The following GPC5 variants were observed in gnomAD, a reference collection of about 807,000 sequenced individuals.
The protein encoded by GPC5 is glypican 5.
GPC5 carries 47 observed loss-of-function variants against 53.9 expected under a neutral mutation model. The observed-to-expected ratio is 0.87, with a 90% CI of 0.69 to 1.11. The LOEUF is 1.11. GPC5 is among the 50% of genes most tolerant of loss of function. The probability of loss-of-function intolerance (pLI) is 0.00; values close to 1 mark genes in which losing one functional copy is unlikely to be tolerated. For synonymous variants in GPC5, 286 were observed against 263.3 expected (o/e 1.09, Z -0.84); for missense variants, 748 against 713.1 (o/e 1.05, Z -0.56).
At chr13:91,923,761 A>C (rs572499982) in intron 6 of GPC5, among the ~76,000 whole-genome samples, 1 of 152,280 alleles carries the variant, frequency 6.6e-6, no homozygotes, top group South Asian at 2.1e-4. Context: ...ATATCTGGGA[A>C]TATATTATCA....
At chr13:92,100,785 A>C (rs192724158) in intron 6 of GPC5, among the ~76,000 whole-genome samples, 6 of 152,198 alleles carry the variant, frequency 3.9e-5, no homozygotes, top group Non-Finnish European at 5.9e-5. Flanking sequence ...ATTGAAAGTC[A>C]GGTTGTGCTA....
intron 6 of GPC5, among the ~76,000 whole-genome samples, chr13:91,976,491 C>A (rs1055005237): frequency 6.6e-6 from 1 of 151,960 alleles, no homozygotes; most frequent in Non-Finnish European, 1.5e-5. Context: ...TGATGCCCTA[C>A]AATTAGGAGT....
intron 7 of GPC5, among the ~76,000 whole-genome samples, chr13:92,570,538 G>A (rs558560709): frequency 2.0e-5 from 3 of 152,094 alleles, no homozygotes; most frequent in Admixed American, 6.6e-5. Flanking sequence ...ATATTGTTCT[G>A]TAACTCAAAT....
intron 7 of GPC5, among the ~76,000 whole-genome samples, chr13:92,413,539 G>A (rs1025567969): frequency 1.1e-4 from 16 of 152,052 alleles, no homozygotes; most frequent in African/African-American, 2.4e-4. Flanking sequence ...TTCCATTTTC[G>A]TAAACCAAAT....
At chr13:92,286,820 C>A (rs1304324812) in intron 7 of GPC5, among the ~76,000 whole-genome samples, 1 of 151,896 alleles carries the variant, frequency 6.6e-6, no homozygotes, top group Non-Finnish European at 1.5e-5. Flanking sequence ...ACCAACATGG[C>A]ACATGTATAC....
At position 92,277,638 on chromosome 13, in the gene GPC5, G is replaced by GT. The variant is rs1178558347; in HGVS notation, c.1561+132655dup. On this transcript the variant is annotated intron_variant, in intron 7 of 7. Transcript: ENST00000377067. Reference sequence around the variant, plus strand: ...TTAATACTAAGCATTTTTTTACTTTGTTTTTTATCGTTGCTGTTGGCCCCT... The same window carrying GT: ...TTAATACTAAGCATTTTTTTACTTTGTTTTTTTATCGTTGCTGTTGGCCCCT... Among the ~76,000 whole-genome samples the GT allele has an allele frequency of 5.3e-5, 8 of 151,906 alleles. No homozygotes were observed. In the East Asian group the frequency reaches 1.4e-3, roughly 26 times the overall value.
intron 2 of GPC5, among the ~76,000 whole-genome samples, chr13:91,468,533 C>T (rs1219707979): frequency 1.3e-5 from 2 of 152,142 alleles, no homozygotes; most frequent in Non-Finnish European, 2.9e-5. Context: ...GGAATGCCAT[C>T]TTCAAGTCAG....
At chr13:92,736,152 T>C (rs1203339992) in intron 7 of GPC5, among the ~76,000 whole-genome samples, 1 of 152,010 alleles carries the variant, frequency 6.6e-6, no homozygotes, top group Non-Finnish European at 1.5e-5. Flanking sequence ...TATTTTCAGT[T>C]GTTATGTCTT....
chr13:92,835,971 A>G (rs1396597581), intron 7 of GPC5, among the ~76,000 whole-genome samples: 2 of 151,952 alleles, frequency 1.3e-5, no homozygotes, highest in African/African-American at 4.8e-5. Flanking sequence ...GTATTCTGTG[A>G]TATCTGGATA....
At chr13:92,398,428 C>CAAAAAAAAAAAAAA (rs35873316) in intron 7 of GPC5, among the ~76,000 whole-genome samples, 327 of 87,516 alleles carry the variant, frequency 3.7e-3, no homozygotes, top group Admixed American at 0.014. Flanking sequence ...GACTCCGTCT[C>CAAAAAAAAAAAAAA]AAAAAAAAAA....
intron 7 of GPC5, among the ~76,000 whole-genome samples, chr13:92,151,333 G>A (rs929932888): frequency 3.9e-5 from 6 of 151,994 alleles, no homozygotes; most frequent in Non-Finnish European, 7.4e-5. Context: ...TTTCTTACCC[G>A]CCTACAGATG....
At chr13:92,810,352 T>C (rs1407253015) in intron 7 of GPC5, among the ~76,000 whole-genome samples, 1 of 151,902 alleles carries the variant, frequency 6.6e-6, no homozygotes, top group Non-Finnish European at 1.5e-5. Flanking sequence ...AACATAAAAA[T>C]TACTTCACAA....
intron 7 of GPC5, among the ~76,000 whole-genome samples, chr13:92,219,536 T>C (rs1342808917): frequency 6.6e-6 from 1 of 152,124 alleles, no homozygotes; most frequent in Non-Finnish European, 1.5e-5. Context: ...GATCAGAAGC[T>C]ACTCCCTTTT....
intron 2 of GPC5, among the ~76,000 whole-genome samples, chr13:91,569,073 A>G (rs2031666393): frequency 6.6e-6 from 1 of 152,084 alleles, no homozygotes; most frequent in Non-Finnish European, 1.5e-5. Context: ...TTAATGTAAG[A>G]TGTGTCCATG....
chr13:92,350,310 T>G (rs2043465427), intron 7 of GPC5, among the ~76,000 whole-genome samples: 1 of 152,140 alleles, frequency 6.6e-6, no homozygotes, highest in Non-Finnish European at 1.5e-5. Context: ...AAGCTTTCCT[T>G]TAAGATCTGG....
chr13:92,695,724 T>C (rs1445061774), intron 7 of GPC5, among the ~76,000 whole-genome samples: 1 of 151,924 alleles, frequency 6.6e-6, no homozygotes, highest in Non-Finnish European at 1.5e-5. Flanking sequence ...TTAGTTATTA[T>C]AAGTTCTGGG....
chr13:91,822,383 A>G (rs2038509731), intron 5 of GPC5, among the ~76,000 whole-genome samples: 1 of 152,242 alleles, frequency 6.6e-6, no homozygotes, highest in African/African-American at 2.4e-5. Flanking sequence ...AGCTATACAT[A>G]TAGAAAAGAG....
chr13:92,445,294 ATTTTT>A (rs954784630), intron 7 of GPC5, among the ~76,000 whole-genome samples: 1 of 123,066 alleles, frequency 8.1e-6, no homozygotes, highest in Non-Finnish European at 1.8e-5. Context: ...TCTTTTTGTG[ATTTTT>A]TTTGTTTTAT....
intron 7 of GPC5, among the ~76,000 whole-genome samples, chr13:92,486,308 G>T (rs769420116): frequency 3.3e-5 from 5 of 152,048 alleles, no homozygotes; most frequent in Non-Finnish European, 5.9e-5. Flanking sequence ...CTGAGAAATG[G>T]TATTTCTATC....
Sources: allele counts gnomAD v4.1 joint callset (sites outside exome capture counted in the v4.1 genomes callset), GRCh38; gene constraint gnomAD v4.1.1; transcripts MANE v1.5; gene names NCBI Gene and HGNC (gene_info 2026-07-23, HGNC 2026-07-21).